The following FHIT variants were observed in gnomAD, a reference collection of about 807,000 sequenced individuals.
FHIT encodes bis(5'-adenosyl)-triphosphatase.
FHIT carries 19 observed loss-of-function variants against 17.9 expected under a neutral mutation model. The observed-to-expected ratio is 1.06, with a 90% CI of 0.74 to 1.56. The LOEUF (loss-of-function observed/expected upper bound fraction) is 1.56, where lower values mean the gene tolerates loss of function less well. Ranked by LOEUF, FHIT falls within the 40% of genes most tolerant of loss-of-function variation. The pLI is 0.00. For synonymous variants in FHIT, 81 were observed against 69.7 expected (o/e 1.16, Z -0.81); for missense variants, 248 against 189.2 (o/e 1.31, Z -1.82).
intron 5 of FHIT, among the ~76,000 whole-genome samples, chr3:60,025,951 T>C (rs1700725450): frequency 6.6e-6 from 1 of 152,132 alleles, no homozygotes; most frequent in African/African-American, 2.4e-5. Flanking sequence ...GAAAGCAAAC[T>C]TTTTCAAGAT....
chr3:59,776,990 C>A (rs1477631302), intron 8 of FHIT, among the ~76,000 whole-genome samples: 3 of 152,154 alleles, frequency 2.0e-5, no homozygotes, highest in Non-Finnish European at 2.9e-5. Flanking sequence ...AATCTAAACT[C>A]CTCTCTGACC....
intron 3 of FHIT, among the ~76,000 whole-genome samples, chr3:61,017,223 G>A (rs1035207876): frequency 1.3e-5 from 2 of 152,190 alleles, no homozygotes; most frequent in Non-Finnish European, 2.9e-5. Flanking sequence ...CTAAGAAGTG[G>A]AGGTGCAGCA....
chr3:59,772,884 T>C (rs886610583), intron 8 of FHIT, among the ~76,000 whole-genome samples: 2 of 152,148 alleles, frequency 1.3e-5, no homozygotes, highest in African/African-American at 4.8e-5. Flanking sequence ...ATGTAGGAAG[T>C]GTAGGGCCAG....
At chr3:61,154,343 T>C (rs534578454) in intron 2 of FHIT, among the ~76,000 whole-genome samples, 1 of 152,188 alleles carries the variant, frequency 6.6e-6, no homozygotes, top group Non-Finnish European at 1.5e-5. Context: ...GAAGAATCCC[T>C]GGATGACAGA....
chr3:60,476,304 C>G (rs2033340957), intron 5 of FHIT, among the ~76,000 whole-genome samples: 3 of 152,158 alleles, frequency 2.0e-5, no homozygotes, highest in Admixed American at 2.0e-4. Context: ...GTTCCTATTA[C>G]TGTTAGTATG....
intron 2 of FHIT, among the ~76,000 whole-genome samples, chr3:61,077,492 A>C (rs2106763128): frequency 6.6e-6 from 1 of 152,206 alleles, no homozygotes; most frequent in East Asian, 1.9e-4. Context: ...AAACAAAAAA[A>C]AACAGCCATG....
chr3:60,149,985 C>CA (rs1491144741), intron 5 of FHIT, among the ~76,000 whole-genome samples: 1 of 50,934 alleles, frequency 2.0e-5, no homozygotes, highest in African/African-American at 6.9e-5. Flanking sequence ...AACCTTTAAG[C>CA]CTTTTTTTTT....
At chr3:60,406,971 C>T (rs1005768680) in intron 5 of FHIT, among the ~76,000 whole-genome samples, 2 of 151,358 alleles carry the variant, frequency 1.3e-5, no homozygotes, top group African/African-American at 4.9e-5. Context: ...ACTTGCTATG[C>T]ATAAACCCCA....
At chr3:60,531,347 A>C (rs373069608) in intron 5 of FHIT, among the ~76,000 whole-genome samples, 73 of 132,978 alleles carry the variant, frequency 5.5e-4, no homozygotes, top group South Asian at 3.5e-3. Flanking sequence ...GGTGCGATCT[A>C]GGCTCACTGC....
intron 8 of FHIT, among the ~76,000 whole-genome samples, chr3:59,882,745 T>A (rs1369622602): frequency 6.6e-6 from 1 of 152,218 alleles, no homozygotes; most frequent in Non-Finnish European, 1.5e-5. Context: ...CAAAAACATA[T>A]GACACCTAAC....
rs186835062 is a variant in FHIT, at chr3:59,748,083, C to G, written c.*1502G>C. On this transcript the variant is annotated 3_prime_UTR_variant, in exon 10 of 10. Transcript: ENST00000492590. ...TTTTTAACACAGAGACTGAATCTCA[C>G]TCCTAGTTGCTAAGGCAAGCAACTA... is the stretch of plus-strand genomic sequence containing the variant. Among the ~76,000 whole-genome samples, 60 of 152,298 alleles carry G rather than the reference C, an allele frequency of 3.9e-4. No individual in the cohort carries two copies. Among genetic ancestry groups the G allele is most frequent in the Middle Eastern group, 6.8e-3 (2 of 294 alleles).
chr3:59,789,300 A>G (rs896229368), intron 8 of FHIT, among the ~76,000 whole-genome samples: 3 of 152,314 alleles, frequency 2.0e-5, no homozygotes, highest in African/African-American at 7.2e-5. Flanking sequence ...CACATTTTTT[A>G]TGGTCAAAAC....
intron 5 of FHIT, among the ~76,000 whole-genome samples, chr3:60,016,011 T>C (rs1019411320): frequency 2.6e-5 from 4 of 152,222 alleles, no homozygotes; most frequent in African/African-American, 9.6e-5. Context: ...TTTAAAATAA[T>C]ATCACAGATG....
chr3:60,454,148 C>T (rs1280019110), intron 5 of FHIT, among the ~76,000 whole-genome samples: 1 of 152,142 alleles, frequency 6.6e-6, no homozygotes, highest in Admixed American at 6.6e-5. Context: ...TAGGAATACT[C>T]ATTTGTTACA....
At chr3:59,858,785 C>T (rs1309514314) in intron 8 of FHIT, among the ~76,000 whole-genome samples, 2 of 151,860 alleles carry the variant, frequency 1.3e-5, no homozygotes, top group East Asian at 1.9e-4. Context: ...ATAATGGGAA[C>T]CAAGTTTCTG....
intron 4 of FHIT, among the ~76,000 whole-genome samples, chr3:60,767,057 G>A (rs1280045257): frequency 2.6e-5 from 4 of 152,026 alleles, no homozygotes; most frequent in African/African-American, 4.8e-5. Flanking sequence ...TTAACTCATC[G>A]CTGACCCATT....
At chr3:60,852,265 T>C (rs66782740) in intron 3 of FHIT, among the ~76,000 whole-genome samples, 51,569 of 151,894 alleles carry the variant, frequency 0.34, 10,304 homozygotes, top group African/African-American at 0.55. Flanking sequence ...AGCCTGTTGA[T>C]CATTGGACAG....
At chr3:61,018,261 G>A (rs896331281) in intron 3 of FHIT, among the ~76,000 whole-genome samples, 3 of 152,110 alleles carry the variant, frequency 2.0e-5, no homozygotes, top group African/African-American at 7.2e-5. Context: ...GCAACACTAA[G>A]ATACATGTGA....
intron 4 of FHIT, among the ~76,000 whole-genome samples, chr3:60,792,729 G>A (rs1378457758): frequency 1.3e-5 from 2 of 152,160 alleles, no homozygotes; most frequent in African/African-American, 4.8e-5. Flanking sequence ...GCCCACTGAG[G>A]CCAGCTACTG....
Sources: allele counts gnomAD v4.1 joint callset (sites outside exome capture counted in the v4.1 genomes callset), GRCh38; gene constraint gnomAD v4.1.1; transcripts MANE v1.5; gene names NCBI Gene and HGNC (gene_info 2026-07-23, HGNC 2026-07-21).